The following DNAJB1 variants were observed in gnomAD, a reference collection of about 807,000 sequenced individuals.
DNAJB1 encodes dnaJ homolog subfamily B member 1.
In DNAJB1, 14 loss-of-function variants were observed where a neutral mutation model predicts 24.0. That is an observed-to-expected ratio of 0.58 (90% CI 0.39 to 0.91). The LOEUF (loss-of-function observed/expected upper bound fraction) is 0.91. Ranked by LOEUF, DNAJB1 falls within the 40% of genes least tolerant of loss-of-function variation. The probability of loss-of-function intolerance (pLI) is 0.00; values close to 1 mark genes in which losing one functional copy is unlikely to be tolerated. For synonymous variants in DNAJB1, 262 were observed against 174.4 expected (o/e 1.50, Z -3.96); for missense variants, 517 against 458.1 (o/e 1.13, Z -1.17).
At position 14,517,270 on chromosome 19, in the gene DNAJB1, G is replaced by T. The variant is rs1340836806; in HGVS notation, c.212-224C>A. ...CCTGACAGTGGAAAAGGACTCATGC[G>T]GTTAGGTGTTCACCTCCAGGTGCCA... On this transcript the variant is annotated intron_variant, in intron 1 of 2. Transcript: ENST00000254322. The T allele has an allele frequency of 5.6e-6, 3 of 538,980 alleles. No individual in the cohort carries two copies. The African/African-American group carries it at 5.7e-5, about 10-fold the overall frequency. 33.4% of individuals were successfully genotyped at this position (538,980 alleles called of 1,614,324 possible).
chr19:14,517,824 G>A (rs375562862), intron 1 of DNAJB1: 3 of 270,722 alleles, frequency 1.1e-5, no homozygotes, highest in South Asian at 1.6e-4. Context: ...CCGCCGCGCC[G>A]TCCCCGTCGT....
At chr19:14,517,701 A>C (rs1184827123) in intron 1 of DNAJB1, 2 of 159,942 alleles carry the variant, frequency 1.3e-5, no homozygotes, top group East Asian at 1.8e-4. Context: ...CCCCAAGCCC[A>C]CGAACGGGGT....
At chr19:14,558,126 G>T (rs1342832589) in intron 1 of DNAJB1, among the ~76,000 whole-genome samples, 1 of 152,190 alleles carries the variant, frequency 6.6e-6, no homozygotes, top group Admixed American at 6.5e-5. Context: ...GGCAGCTGGG[G>T]ACAGCCCACT....
At chr19:14,531,423 C>T (rs1203966360), upstream of DNAJB1, 1 of 152,014 alleles carries the variant, frequency 6.6e-6, no homozygotes, top group Non-Finnish European at 1.5e-5. Context: ...ACCCACAATC[C>T]TTTGAAGCCT....
chr19:14,533,734 CTG>C (rs2072759199), upstream of DNAJB1, among the ~76,000 whole-genome samples: 1 of 152,172 alleles, frequency 6.6e-6, no homozygotes, highest in Admixed American at 6.5e-5. Flanking sequence ...GTTTTCCACT[CTG>C]TGGCCTAATT....
At chr19:14,536,856 C>G (rs979040848) in intron 1 of DNAJB1, among the ~76,000 whole-genome samples, 14 of 151,664 alleles carry the variant, frequency 9.2e-5, no homozygotes, top group Non-Finnish European at 1.5e-4. Context: ...AGATACATAC[C>G]TGGAAAGCCT....
chr19:14,535,584 A>ATGTATATATATATATG (rs1555729581), intron 1 of DNAJB1, among the ~76,000 whole-genome samples: 1 of 38,594 alleles, frequency 2.6e-5, no homozygotes, highest in African/African-American at 9.4e-5. Context: ...ATATATATAT[A>ATGTATATATATATATG]TATATGTATG....
rs758350304 is a variant in DNAJB1, at chr19:14,517,066, G to A, written c.212-20C>T. On this transcript the variant is annotated intron_variant, in intron 1 of 2. Coordinates refer to ENST00000254322, the MANE Select transcript of DNAJB1 (RefSeq NM_006145.3). ...TTAGGCCTGAAAAGCAGATTTAGAA[G>A]CAGTCAGATGGCTGAACAGCAGACT... The A allele has an allele frequency of 5.7e-6, 9 of 1,587,144 alleles. No individual in the cohort carries two copies. The East Asian group carries it at 9.0e-5, about 16-fold the overall frequency.
chr19:14,552,162 TTTCTTTTTTC>T (rs1309966131), upstream of DNAJB1, among the ~76,000 whole-genome samples: 3 of 147,412 alleles, frequency 2.0e-5, no homozygotes, highest in African/African-American at 7.6e-5. Flanking sequence ...TCTTTCTTTC[TTTCTTTTTTC>T]TTTTTTTTTT....
At chr19:14,522,665 AACACAGACACAC>A (rs1472299656), upstream of DNAJB1, among the ~76,000 whole-genome samples, 7 of 86,692 alleles carry the variant, frequency 8.1e-5, no homozygotes, top group Middle Eastern at 0.024. Context: ...TCTGCACACA[AACACAGACACAC>A]ACACAGACAC....
intron 1 of DNAJB1, 85 bp downstream of exon 1, chr19:14,518,054 C>CG (rs1429065753): frequency 1.8e-5 from 24 of 1,330,478 alleles, no homozygotes; most frequent in Non-Finnish European, 2.2e-5. Context: ...GCGTCCTTCC[C>CG]GGGGGGCCGC....
Position 14,516,691 on chromosome 19 carries a change from C to T in DNAJB1, c.567G>A (p.Arg189=), listed in dbSNP as rs765182948. 1.2e-6 allele frequency: 2 copies of T among 1,614,022 alleles called. No individual in the cohort carries two copies. Among genetic ancestry groups the T allele is most frequent in the Non-Finnish European group, 8.5e-7 (1 of 1,180,032 alleles). Residue 189 remains arginine (R), a synonymous_variant, in exon 2 of 3, where the codon CGG becomes CGA. Transcript: ENST00000254322. ...GAATGCTCTTTCCGTCGGGGTTTAG[C>T]CGCTTGTGGGAGATTTTCATCTTCT... ...CTKKMKISHK[R]LNPDGKSIRN...
intron 2 of DNAJB1, among the ~76,000 whole-genome samples, chr19:14,525,974 C>T (rs774279797): frequency 1.2e-4 from 18 of 152,274 alleles, no homozygotes; most frequent in Middle Eastern, 3.4e-3. Context: ...CTCATTCATA[C>T]ACAACCCAAA....
upstream of DNAJB1, chr19:14,529,504 C>T: frequency 1.3e-6 from 1 of 749,696 alleles, no homozygotes; most frequent in South Asian, 1.5e-5. Context: ...GGACCGGCCC[C>T]AAGGAGCAGG....
At chr19:14,544,995 T>A in intron 1 of DNAJB1, 1 of 429,248 alleles carries the variant, frequency 2.3e-6, no homozygotes, top group Non-Finnish European at 4.7e-6. Context: ...TTTTCACTCC[T>A]TCCCTTCTCT....
chr19:14,519,142 C>T (rs1568382431), upstream of DNAJB1, among the ~76,000 whole-genome samples: 2 of 152,012 alleles, frequency 1.3e-5, no homozygotes, highest in Admixed American at 1.3e-4. Flanking sequence ...CCGAGGCGGG[C>T]GGATCACTTG....
intron 1 of DNAJB1, chr19:14,545,708 A>C (rs1417342075): frequency 6.2e-6 from 1 of 161,512 alleles, no homozygotes; most frequent in African/African-American, 2.4e-5. Context: ...AGTTAGCAGA[A>C]AAGGTTTTTG....
chr19:14,557,012 C>G (rs2073750865), intron 1 of DNAJB1, among the ~76,000 whole-genome samples: 1 of 152,132 alleles, frequency 6.6e-6, no homozygotes, highest in Admixed American at 6.5e-5. Flanking sequence ...TGGGCCCCTT[C>G]AAGAGCATGG....
At chr19:14,541,774 CT>C (rs2073103665) in intron 1 of DNAJB1, among the ~76,000 whole-genome samples, 1 of 151,008 alleles carries the variant, frequency 6.6e-6, no homozygotes, top group Non-Finnish European at 1.5e-5. Flanking sequence ...GACCTGTGGA[CT>C]TCTTTTCATT....
Sources: gnomAD v4.1 joint callset for allele counts (sites outside exome capture counted in the v4.1 genomes callset) on GRCh38, gnomAD v4.1.1 for gene constraint, MANE v1.5 for transcripts, NCBI Gene and HGNC (gene_info 2026-07-23, HGNC 2026-07-21) for gene names.